The following CPB1 variants were observed in gnomAD, a reference collection of about 807,000 sequenced individuals.
CPB1 encodes the protein carboxypeptidase B1.
Under a neutral mutation model 51.4 loss-of-function variants are expected in CPB1, and 53 were observed. The ratio of observed to expected loss-of-function variants is 1.03; its 90% CI spans 0.83 to 1.30. CPB1 has a LOEUF of 1.30. Among genes scored for constraint, CPB1 ranks in the 50% most tolerant of loss-of-function variants. The pLI is 0.00. For missense variants in CPB1, 494 were observed against 516.2 expected (o/e 0.96, Z 0.42); for synonymous variants, 189 against 186.9 (o/e 1.01, Z -0.09).
chr3:148,841,505 T>C (rs1713080193), intron 5 of CPB1, among the ~76,000 whole-genome samples: 1 of 152,182 alleles, frequency 6.6e-6, no homozygotes, highest in African/African-American at 2.4e-5. Flanking sequence ...GTCTTGGTCA[T>C]GTCACCTAAT....
chr3:148,845,460 A>G lies in CPB1; in HGVS notation c.815A>G (p.Tyr272Cys), dbSNP rs185093384. The G allele has an allele frequency of 6.8e-6, 11 of 1,613,916 alleles. No homozygotes were observed. In the East Asian group the frequency reaches 2.0e-4, roughly 29 times the overall value. Residue 272 changes from tyrosine (Y) to cysteine (C), a missense_variant, in exon 9 of 11, where the codon TAC (tyrosine) becomes TGC (cysteine). Coordinates refer to ENST00000282957, the MANE Select transcript of CPB1 (RefSeq NM_001871.3). The stretch of plus-strand genomic sequence containing the variant: ...TCTCGAAACCCCTGTGATGAAACTT[A>G]CTGTGGACCTGCCGCAGAGTCTGAA... The part of the protein sequence containing the change: ...GASRNPCDET[Y>C]CGPAAESEKE...
chr3:148,840,755 C>G lies in CPB1; in HGVS notation c.342C>G (p.His114Gln), dbSNP rs1453540653. ...QFDSRVRATG[H>Q]SYEKYNKWET... Reference sequence around the variant, plus strand: ...ATAGCCGGGTTCGTGCAACAGGACACAGTTATGAGAAGTACAACAAGTGGG... The same window carrying G: ...ATAGCCGGGTTCGTGCAACAGGACAGAGTTATGAGAAGTACAACAAGTGGG... Residue 114 changes from histidine to glutamine, a missense_variant, in exon 4 of 11, where the codon CAC (histidine) becomes CAG (glutamine). Physicochemically the swap from His to Gln is conservative, Grantham distance 24 (BLOSUM62 0). Transcript: ENST00000282957. 6.2e-7 allele frequency: 1 copy of G among 1,613,978 alleles called. No individual in the cohort carries two copies. The highest frequency in any genetic ancestry group is 8.5e-7 in the Non-Finnish European group (1 of 1,180,002).
At chr3:148,851,530 G>A (rs1360177689) in intron 9 of CPB1, 1 of 152,136 alleles carries the variant, frequency 6.6e-6, no homozygotes, top group Non-Finnish European at 1.5e-5. Context: ...AAGGAGAACA[G>A]AATTGGGAGT....
intron 10 of CPB1, among the ~76,000 whole-genome samples, chr3:148,858,722 GC>G (rs1236488809): frequency 1.3e-5 from 2 of 152,154 alleles, no homozygotes; most frequent in Non-Finnish European, 2.9e-5. Flanking sequence ...AGTGGTAGGG[GC>G]TAGACCCAAG....
intron 9 of CPB1, among the ~76,000 whole-genome samples, chr3:148,853,004 A>G (rs2108020684): frequency 6.6e-6 from 1 of 152,294 alleles, no homozygotes; most frequent in East Asian, 1.9e-4. Context: ...TTTTGCACCA[A>G]AATTATAAAA....
At chr3:148,846,145 C>A (rs1315427267) in intron 9 of CPB1, among the ~76,000 whole-genome samples, 1 of 151,912 alleles carries the variant, frequency 6.6e-6, no homozygotes, top group East Asian at 1.9e-4. Context: ...GTAAATCAAT[C>A]AATGAACAAA....
intron 3 of CPB1, among the ~76,000 whole-genome samples, chr3:148,840,083 A>T (rs1351230691): frequency 6.6e-6 from 1 of 152,118 alleles, no homozygotes; most frequent in Non-Finnish European, 1.5e-5. Flanking sequence ...AGATTACTTA[A>T]CCCACCCAAA....
chr3:148,859,515 C>T (rs902124187), intron 10 of CPB1, among the ~76,000 whole-genome samples: 1 of 152,110 alleles, frequency 6.6e-6, no homozygotes, highest in African/African-American at 2.4e-5. Flanking sequence ...CATCCTTTCA[C>T]ATATAAAGTG....
chr3:148,832,051 GT>G (rs1461021472), intron 2 of CPB1, among the ~76,000 whole-genome samples: 1 of 152,066 alleles, frequency 6.6e-6, no homozygotes, highest in Non-Finnish European at 1.5e-5. Context: ...ATGTTGATAG[GT>G]TTGCTAACTG....
At chr3:148,857,689 C>CA (rs5853380) in intron 10 of CPB1, 148 bp downstream of exon 10, 24,189 of 309,648 alleles carry the variant, frequency 0.078, 50 homozygotes, top group East Asian at 0.12. Context: ...GTTTTCTGTT[C>CA]AAAAAAAAAA....
chr3:148,844,903 A>G, intron 8 of CPB1, 136 bp downstream of exon 8: 1 of 771,598 alleles, frequency 1.3e-6, no homozygotes, highest in East Asian at 2.7e-5. Flanking sequence ...GCACCAAAAA[A>G]AAAAAAACCA....
At chr3:148,839,607 A>G (rs533349430) in intron 3 of CPB1, among the ~76,000 whole-genome samples, 19 of 152,322 alleles carry the variant, frequency 1.2e-4, no homozygotes, top group Non-Finnish European at 2.4e-4. Flanking sequence ...AATTTATTAC[A>G]CTTTCCAAAA....
chr3:148,853,738 G>A (rs989694690), intron 9 of CPB1, among the ~76,000 whole-genome samples: 5 of 152,166 alleles, frequency 3.3e-5, no homozygotes, highest in African/African-American at 1.2e-4. Context: ...AAGGCCACAA[G>A]GAGAAGTGAA....
At chr3:148,840,565 T>C (rs779838716) in intron 3 of CPB1, 121 bp from the exon 4 acceptor site, 3 of 782,646 alleles carry the variant, frequency 3.8e-6, no homozygotes, top group Non-Finnish European at 6.6e-6. Context: ...GAGGACAACA[T>C]GAGAATTTAT....
Position 148,860,034 on chromosome 3 carries a change from C to T in CPB1, c.*32C>T. On this transcript the variant is annotated 3_prime_UTR_variant, in exon 11 of 11. Coordinates refer to ENST00000282957, the MANE Select transcript of CPB1 (RefSeq NM_001871.3). ...AAGCTGATGGCCTTGTTTCAAAATTCTCATTTTTCATTTCTTTTCTTTCTT... is the reference window on the plus strand; with the variant it reads ...AAGCTGATGGCCTTGTTTCAAAATTTTCATTTTTCATTTCTTTTCTTTCTT... The T allele has an allele frequency of 6.3e-7, 1 of 1,576,938 alleles. No homozygotes were observed. Among genetic ancestry groups the T allele is most frequent in the Non-Finnish European group, 8.6e-7 (1 of 1,158,906 alleles).
At chr3:148,831,096 G>T (rs576811137) in intron 2 of CPB1, among the ~76,000 whole-genome samples, 2 of 152,276 alleles carry the variant, frequency 1.3e-5, no homozygotes, top group East Asian at 3.9e-4. Flanking sequence ...CTGTACTCCA[G>T]CAGCCCTTCT....
At chr3:148,846,501 T>C (rs370430347) in intron 9 of CPB1, among the ~76,000 whole-genome samples, 64 of 151,794 alleles carry the variant, frequency 4.2e-4, no homozygotes, top group Middle Eastern at 3.4e-3. Flanking sequence ...CTTACCTAAA[T>C]GCATAAATTT....
intron 9 of CPB1, among the ~76,000 whole-genome samples, chr3:148,848,171 T>G (rs1383195911): frequency 6.6e-6 from 1 of 152,178 alleles, no homozygotes; most frequent in Non-Finnish European, 1.5e-5. Flanking sequence ...TTAACTATAG[T>G]GCAATTACAA....
At chr3:148,850,683 C>T (rs749041323) in intron 9 of CPB1, among the ~76,000 whole-genome samples, 6 of 152,060 alleles carry the variant, frequency 3.9e-5, no homozygotes, top group Non-Finnish European at 7.4e-5. Context: ...TAAAGATAAA[C>T]GTAAAAATCA....
Sources: gnomAD v4.1 joint callset for allele counts (sites outside exome capture counted in the v4.1 genomes callset) on GRCh38, gnomAD v4.1.1 for gene constraint, MANE v1.5 for transcripts, NCBI Gene and HGNC (gene_info 2026-07-23, HGNC 2026-07-21) for gene names.